The following CDYL2 variants were observed in gnomAD, a reference collection of about 807,000 sequenced individuals.
CDYL2 encodes the protein chromodomain Y like 2.
Under a neutral mutation model 49.4 loss-of-function variants are expected in CDYL2, and 23 were observed. The observed-to-expected ratio is 0.47, with a 90% CI of 0.34 to 0.66. The LOEUF (loss-of-function observed/expected upper bound fraction) is 0.66, where lower values mean the gene tolerates loss of function less well. Ranked by LOEUF, CDYL2 falls within the 30% of genes least tolerant of loss-of-function variation. The pLI, the probability that CDYL2 is intolerant of heterozygous loss-of-function variation, is 0.01. For missense variants in CDYL2, 678 were observed against 656.4 expected (o/e 1.03, Z -0.36); for synonymous variants, 360 against 268.8 (o/e 1.34, Z -3.32).
intron 2 of CDYL2, among the ~76,000 whole-genome samples, chr16:80,678,335 T>C (rs1367162882): frequency 6.6e-6 from 1 of 151,916 alleles, no homozygotes; most frequent in African/African-American, 2.4e-5. Flanking sequence ...ACCCACAAAA[T>C]GGGAGAAAAT....
intron 1 of CDYL2, chr16:80,736,249 A>G (rs1044456664): frequency 1.3e-5 from 2 of 152,242 alleles, no homozygotes; most frequent in Non-Finnish European, 2.9e-5. Context: ...TTTAACGAAC[A>G]TGTTCTCATT....
intron 2 of CDYL2, among the ~76,000 whole-genome samples, chr16:80,674,016 A>T (rs978832139): frequency 1.3e-5 from 2 of 152,314 alleles, no homozygotes; most frequent in East Asian, 3.9e-4. Flanking sequence ...CTCCAGAAGG[A>T]GCACAGCCCT....
At chr16:80,730,292 T>C (rs1344536201) in intron 1 of CDYL2, among the ~76,000 whole-genome samples, 3 of 152,128 alleles carry the variant, frequency 2.0e-5, no homozygotes, top group Non-Finnish European at 4.4e-5. Flanking sequence ...CCCACAGAAA[T>C]ACAAACTGCC....
chr16:80,662,955 A>G (rs1909108814), intron 2 of CDYL2, among the ~76,000 whole-genome samples: 1 of 152,120 alleles, frequency 6.6e-6, no homozygotes, highest in Non-Finnish European at 1.5e-5. Context: ...GACACAAGTC[A>G]TTCTTTGTTG....
chr16:80,705,978 C>T (rs543460209), intron 1 of CDYL2, among the ~76,000 whole-genome samples: 41 of 152,278 alleles, frequency 2.7e-4, no homozygotes, highest in African/African-American at 7.9e-4. Context: ...GAGCATCTAC[C>T]GTATGCTGGA....
At position 80,612,595 on chromosome 16, in the gene CDYL2, G is replaced by A; in HGVS notation, c.1218+31C>T. 5 of 1,567,120 alleles carry A rather than the reference G, an allele frequency of 3.2e-6. No individual in the cohort carries two copies. The highest frequency in any genetic ancestry group is 2.4e-5 in the South Asian group (2 of 83,868). ...CAAGGCAGAGGAAGGATCCTGCTGGGACCCGAATCCAGGTATCACAGGAGG... is the reference window on the plus strand; with the variant it reads ...CAAGGCAGAGGAAGGATCCTGCTGGAACCCGAATCCAGGTATCACAGGAGG... On this transcript the variant is annotated intron_variant, in intron 5 of 6. Transcript: ENST00000570137. This position sits in a 1 kb window ranked among gnomAD's most constrained non-coding sequence, Gnocchi z 5.0.
rs182185102 is a variant in CDYL2 at position 80,746,159 on chromosome 16, G to A, written c.24+57991C>T. ...AGGTACCTGCACAAAATGCTGGGCT[G>A]TACCTGCGTGAAAATAAGGGCAATT... On this transcript the variant is annotated intron_variant, in intron 1 of 6. Coordinates refer to ENST00000570137, the MANE Select transcript of CDYL2 (RefSeq NM_152342.4). Among the ~76,000 whole-genome samples, 196 of 152,252 alleles carry A rather than the reference G, an allele frequency of 1.3e-3. 2 individuals are homozygous for A. The highest frequency in any genetic ancestry group is 4.5e-3 in the African/African-American group (185 of 41,554).
rs1422948788 is a variant in CDYL2 at position 80,776,249 on chromosome 16, G to A, written c.24+27901C>T. Among the ~76,000 whole-genome samples, 6 of 152,126 alleles carry A rather than the reference G, an allele frequency of 3.9e-5. No homozygotes were observed. In the East Asian group the frequency reaches 9.6e-4, roughly 24 times the overall value. On this transcript the variant is annotated intron_variant, in intron 1 of 6. Transcript: ENST00000570137. The stretch of plus-strand genomic sequence containing the variant: ...TCAAACGTGAAAATAAGTAAGTTAA[G>A]CACTCAATTCAACTAGCTAGAAAAT...
chr16:80,676,961 G>GTCTTTTTTTTT lies in CDYL2; in HGVS notation c.616+7576_616+7577insAAAAAAAAAGA, dbSNP rs1407459686. 3.6e-5 allele frequency among the ~76,000 whole-genome samples: 4 copies of GTCTTTTTTTTT among 110,518 alleles called. 1 individual carries two copies. The highest frequency in any genetic ancestry group is 5.6e-5 in the Non-Finnish European group (3 of 53,550). 72.5% of individuals were successfully genotyped at this position (110,518 alleles called of 152,430 possible). On this transcript the variant is annotated intron_variant, in intron 2 of 6. Transcript: ENST00000570137. ...AGGACTTTTTAACAACCAATTCAATGTATTTTTTTTTTTTTTTTTTTTTTT... is the reference window on the plus strand; with the variant it reads ...AGGACTTTTTAACAACCAATTCAATGTCTTTTTTTTTTATTTTTTTTTTTTTTTTTTTTTTT...
chr16:80,640,235 G>A (rs1908022605), intron 2 of CDYL2, among the ~76,000 whole-genome samples: 1 of 152,174 alleles, frequency 6.6e-6, no homozygotes, highest in African/African-American at 2.4e-5. Flanking sequence ...GGAGAGGAGA[G>A]AGAAGAGTAG....
At chr16:80,771,917 G>GGAT (rs111900781) in intron 1 of CDYL2, among the ~76,000 whole-genome samples, 84 of 152,210 alleles carry the variant, frequency 5.5e-4, no homozygotes, top group African/African-American at 1.8e-3. Context: ...GAGACAAAGA[G>GGAT]GATACAGTGA....
chr16:80,743,236 A>G (rs1905809937), intron 1 of CDYL2, among the ~76,000 whole-genome samples: 3 of 152,228 alleles, frequency 2.0e-5, no homozygotes, highest in South Asian at 2.1e-4. Flanking sequence ...GCAAAACCCA[A>G]TACTTCTGCT....
At chr16:80,641,467 G>T (rs1249032143) in intron 2 of CDYL2, among the ~76,000 whole-genome samples, 1 of 152,034 alleles carries the variant, frequency 6.6e-6, no homozygotes, top group Non-Finnish European at 1.5e-5. Flanking sequence ...ATCAACACCA[G>T]ATCTCTCCCA....
chr16:80,667,728 A>G (rs996310274), intron 2 of CDYL2, among the ~76,000 whole-genome samples: 1 of 152,222 alleles, frequency 6.6e-6, no homozygotes, highest in South Asian at 2.1e-4. Flanking sequence ...AAAAAGGGGG[A>G]AAAAATTGAA....
intron 4 of CDYL2, among the ~76,000 whole-genome samples, chr16:80,620,038 G>T (rs1907007864): frequency 6.6e-6 from 1 of 152,182 alleles, no homozygotes; most frequent in Admixed American, 6.5e-5. Context: ...ATTGTGACTT[G>T]TCTGATTCCT....
chr16:80,608,676 T>C (rs1188795486), intron 5 of CDYL2, among the ~76,000 whole-genome samples: 1 of 152,026 alleles, frequency 6.6e-6, no homozygotes, highest in Non-Finnish European at 1.5e-5. Flanking sequence ...GCAGGTGTGG[T>C]GGAAAAGTCT....
At chr16:80,628,801 A>G (rs1907419399) in intron 3 of CDYL2, among the ~76,000 whole-genome samples, 1 of 152,220 alleles carries the variant, frequency 6.6e-6, no homozygotes, top group Admixed American at 6.5e-5. Flanking sequence ...AATTAAGAGA[A>G]TGCCAGTCTT....
chr16:80,802,535 A>C (rs1301872310), intron 1 of CDYL2, among the ~76,000 whole-genome samples: 1 of 152,228 alleles, frequency 6.6e-6, no homozygotes, highest in Non-Finnish European at 1.5e-5. Flanking sequence ...AGTTCTTCAC[A>C]AGATCTCTAT....
intron 1 of CDYL2, among the ~76,000 whole-genome samples, chr16:80,713,217 C>T (rs576997703): frequency 2.4e-4 from 37 of 152,124 alleles, no homozygotes; most frequent in Non-Finnish European, 5.3e-4. Context: ...ATTTAATAAG[C>T]GCTAGGTGGC....
Sources: gnomAD v4.1 joint callset for allele counts (sites outside exome capture counted in the v4.1 genomes callset) on GRCh38, gnomAD v4.1.1 for gene constraint, Gnocchi (gnomAD v3.1) non-coding constraint, MANE v1.5 for transcripts, NCBI Gene and HGNC (gene_info 2026-07-23, HGNC 2026-07-21) for gene names.